The following TLL1 variants were observed in gnomAD, a reference collection of about 807,000 sequenced individuals.
The protein encoded by TLL1 is tolloid-like protein 1.
In TLL1, 49 loss-of-function variants were observed where a neutral mutation model predicts 128.2. The ratio of observed to expected loss-of-function variants is 0.38; its 90% CI spans 0.30 to 0.48. The LOEUF (loss-of-function observed/expected upper bound fraction) is 0.48, where lower values mean the gene tolerates loss of function less well. Ranked by LOEUF, TLL1 falls within the 20% of genes least tolerant of loss-of-function variation. The pLI is 0.96. For missense variants in TLL1, 1,123 were observed against 1,242.0 expected (o/e 0.90, Z 1.44); for synonymous variants, 454 against 418.8 (o/e 1.08, Z -1.03).
rs148882332 is a variant in TLL1, at chr4:165,897,949, G to A, written c.169+23876G>A. 4.6e-3 allele frequency among the ~76,000 whole-genome samples: 701 copies of A among 151,916 alleles called. 5 individuals are homozygous for A. The highest frequency in any genetic ancestry group is 0.043 in the East Asian group (223 of 5,150). On this transcript the variant is annotated intron_variant, in intron 1 of 20. Coordinates refer to ENST00000061240, the MANE Select transcript of TLL1 (RefSeq NM_012464.5). ...CTCCTTGAAGAGGTGCTTCACATCC[G>A]TTGTAAGTTGTATTCCTAGATATTT...
chr4:166,013,066 G>C (rs990401127), intron 7 of TLL1, among the ~76,000 whole-genome samples: 1 of 151,598 alleles, frequency 6.6e-6, no homozygotes, highest in African/African-American at 2.4e-5. Flanking sequence ...TGTGTTTCTT[G>C]TTCTTTCTGT....
chr4:165,913,263 T>A (rs917518573), intron 1 of TLL1, among the ~76,000 whole-genome samples: 1 of 152,188 alleles, frequency 6.6e-6, no homozygotes, highest in East Asian at 1.9e-4. Flanking sequence ...ATTCTAAGAA[T>A]CTCAATAGGT....
intron 1 of TLL1, among the ~76,000 whole-genome samples, chr4:165,922,580 C>A (rs1733084761): frequency 6.6e-6 from 1 of 152,174 alleles, no homozygotes; most frequent in Non-Finnish European, 1.5e-5. Flanking sequence ...CAAGTCATTA[C>A]ATGACACTGT....
Position 166,034,994 on chromosome 4 carries a change from G to A in TLL1, c.1159-4345G>A, listed in dbSNP as rs527399692. On this transcript the variant is annotated intron_variant, in intron 9 of 20. Transcript: ENST00000061240. ...TGTTTCCTCAAGCCCTTTTATCAGG[G>A]CACTAATCTCATTTCTAAGGGCAGA... Among the ~76,000 whole-genome samples, 12 of 152,266 alleles carry A rather than the reference G, an allele frequency of 7.9e-5. No individual in the cohort carries two copies. The East Asian group carries it at 2.1e-3, about 27-fold the overall frequency.
chr4:165,897,977 T>C (rs1301133236), intron 1 of TLL1, among the ~76,000 whole-genome samples: 1 of 152,204 alleles, frequency 6.6e-6, no homozygotes, highest in East Asian at 1.9e-4. Context: ...AGATATTTTA[T>C]TCTGTTTGTA....
chr4:166,012,941 C>G (rs114419523), intron 7 of TLL1, among the ~76,000 whole-genome samples: 1,599 of 151,836 alleles, frequency 0.011, 36 homozygotes, highest in African/African-American at 0.035. Context: ...GCTCATAGAT[C>G]ATATTACTCC....
intron 1 of TLL1, among the ~76,000 whole-genome samples, chr4:165,921,834 T>TA (rs917237610): frequency 3.3e-5 from 5 of 151,972 alleles, no homozygotes; most frequent in Middle Eastern, 3.4e-3. Context: ...CAGTTTTTTT[T>TA]AAAAAAAAGT....
At chr4:165,934,624 C>A (rs940052113) in intron 1 of TLL1, among the ~76,000 whole-genome samples, 1 of 152,132 alleles carries the variant, frequency 6.6e-6, no homozygotes, top group Admixed American at 6.5e-5. Context: ...GAGAAAAGGG[C>A]AGAGGTAAAG....
chr4:165,977,829 A>G (rs920870494), intron 1 of TLL1, among the ~76,000 whole-genome samples: 2 of 152,196 alleles, frequency 1.3e-5, no homozygotes, highest in African/African-American at 4.8e-5. Context: ...AGGATTCCCA[A>G]AACGTAAATA....
intron 18 of TLL1, among the ~76,000 whole-genome samples, chr4:166,089,734 T>C (rs543229990): frequency 1.3e-5 from 2 of 152,312 alleles, no homozygotes; most frequent in South Asian, 4.1e-4. Context: ...ATAATGATTA[T>C]AACAAACAAT....
At chr4:166,059,908 A>G in intron 14 of TLL1, 120 bp from the exon 15 acceptor site, 2 of 1,250,354 alleles carry the variant, frequency 1.6e-6, no homozygotes, top group South Asian at 2.4e-5. Context: ...TCTGGATTTT[A>G]AAATCCAGAA....
chr4:166,100,690 G>C, intron 20 of TLL1, 52 bp from the exon 21 acceptor site: 2 of 1,609,370 alleles, frequency 1.2e-6, no homozygotes, highest in Admixed American at 1.7e-5. Flanking sequence ...TGAAGAAAAA[G>C]TGATTCGTTT....
At chr4:165,912,339 C>G (rs1049148701) in intron 1 of TLL1, among the ~76,000 whole-genome samples, 4 of 152,138 alleles carry the variant, frequency 2.6e-5, no homozygotes, top group African/African-American at 7.2e-5. Flanking sequence ...TCATTGTCAG[C>G]CACGGAGCCC....
At chr4:165,899,553 G>C (rs1381876996) in intron 1 of TLL1, among the ~76,000 whole-genome samples, 1 of 152,176 alleles carries the variant, frequency 6.6e-6, no homozygotes, top group Admixed American at 6.5e-5. Flanking sequence ...TCTTAATCCT[G>C]AGTTCTAATT....
rs998866095 is a variant in TLL1, at chr4:166,103,625, G to A, written c.*2749G>A. On this transcript the variant is annotated 3_prime_UTR_variant, in exon 21 of 21. Transcript: ENST00000061240. ...ATTAATTTTTATTGTATCATGTCAA[G>A]TATCAGTTTACCACATATTATTTTT... 4 of 151,744 alleles carry A rather than the reference G, an allele frequency of 2.6e-5. No homozygotes were observed. The highest frequency in any genetic ancestry group is 4.4e-5 in the Non-Finnish European group (3 of 67,834). 9.4% of individuals were successfully genotyped at this position (151,744 alleles called of 1,614,324 possible).
At chr4:166,073,502 GCT>G (rs1204535621) in intron 16 of TLL1, among the ~76,000 whole-genome samples, 2 of 151,684 alleles carry the variant, frequency 1.3e-5, no homozygotes, top group African/African-American at 4.8e-5. Flanking sequence ...ATTTTGTTTT[GCT>G]TTTTGCTTAT....
At chr4:165,958,562 G>GT (rs1483822913) in intron 1 of TLL1, among the ~76,000 whole-genome samples, 15 of 149,992 alleles carry the variant, frequency 1.0e-4, no homozygotes, top group African/African-American at 3.2e-4. Flanking sequence ...GGGGTTGTTT[G>GT]TTTTTTTCTT....
intron 1 of TLL1, among the ~76,000 whole-genome samples, chr4:165,909,730 T>C (rs550031213): frequency 3.9e-5 from 6 of 152,304 alleles, no homozygotes; most frequent in African/African-American, 1.2e-4. Context: ...GAAAAGTCCA[T>C]AATAAAACAC....
At chr4:165,933,973 T>C (rs147509251) in intron 1 of TLL1, among the ~76,000 whole-genome samples, 79 of 152,154 alleles carry the variant, frequency 5.2e-4, no homozygotes, top group Middle Eastern at 3.4e-3. Context: ...CTGTGTCTCA[T>C]CCACCTTCCA....
Sources: gnomAD v4.1 joint callset for allele counts (sites outside exome capture counted in the v4.1 genomes callset) on GRCh38, gnomAD v4.1.1 for gene constraint, MANE v1.5 for transcripts, NCBI Gene and HGNC (gene_info 2026-07-23, HGNC 2026-07-21) for gene names.